CAP2: variants seen among roughly 807,000 people sequenced by gnomAD.
The protein encoded by CAP2 is adenylyl cyclase-associated protein 2.
Under a neutral mutation model 57.7 loss-of-function variants are expected in CAP2, and 24 were observed. The observed-to-expected ratio is 0.42, with a 90% CI of 0.30 to 0.58. The LOEUF (loss-of-function observed/expected upper bound fraction) is 0.58. Ranked by LOEUF, CAP2 falls within the 20% of genes least tolerant of loss-of-function variation. The pLI is 0.22. For synonymous variants in CAP2, 194 were observed against 207.2 expected, an observed-to-expected ratio of 0.94 and a Z score of 0.55; for missense variants, 501 against 590.3, an observed-to-expected ratio of 0.85 and a Z score of 1.57.
chr6:17,462,276 A>G (rs1243107777), intron 3 of CAP2, among the ~76,000 whole-genome samples: 2 of 152,084 alleles, frequency 1.3e-5, no homozygotes, highest in African/African-American at 2.4e-5. Context: ...GTGATGGCTT[A>G]AGGGACAATT....
intron 7 of CAP2, among the ~76,000 whole-genome samples, chr6:17,532,361 G>T (rs1189757825): frequency 1.3e-5 from 2 of 150,514 alleles, no homozygotes; most frequent in Non-Finnish European, 3.0e-5. Context: ...GGCTGGTCTC[G>T]AACTCCTGAC....
At chr6:17,493,853 G>C (rs183546784) in intron 4 of CAP2, among the ~76,000 whole-genome samples, 4 of 151,700 alleles carry the variant, frequency 2.6e-5, no homozygotes, top group East Asian at 3.9e-4. Flanking sequence ...GGAACACCTG[G>C]TTGAGGGCAG....
chr6:17,461,218 C>CTTTTTTTTTTTTTTTTTTT (rs35423332), intron 3 of CAP2, among the ~76,000 whole-genome samples: 2 of 147,970 alleles, frequency 1.4e-5, no homozygotes, highest in Non-Finnish European at 3.0e-5. Flanking sequence ...TCTTTGAAAC[C>CTTTTTTTTTTTTTTTTTTT]TTTTTTTTTT....
intron 4 of CAP2, among the ~76,000 whole-genome samples, chr6:17,495,921 G>A (rs1351107660): frequency 1.3e-5 from 2 of 149,680 alleles, no homozygotes; most frequent in Non-Finnish European, 3.0e-5. Context: ...AGAAAAGACA[G>A]CAACAGAGGA....
At chr6:17,521,835 G>A (rs543880533) in intron 7 of CAP2, among the ~76,000 whole-genome samples, 105 of 152,160 alleles carry the variant, frequency 6.9e-4, no homozygotes, top group Non-Finnish European at 8.5e-4. Flanking sequence ...TTGATTGGGC[G>A]CGGTACCTCA....
chr6:17,554,770 TAGAG>T (rs1763255615), intron 12 of CAP2, among the ~76,000 whole-genome samples: 1 of 152,228 alleles, frequency 6.6e-6, no homozygotes, highest in Non-Finnish European at 1.5e-5. Context: ...CTCCTTGCCT[TAGAG>T]AGGTTTTCTA....
In CAP2 at chr6:17,438,143, G is replaced by A. The variant is rs76782586; in HGVS notation, c.222+11453G>A. On this transcript the variant is annotated intron_variant, in intron 3 of 12. Transcript: ENST00000229922. ...AGTGCTTTGGGAGGCCAAGGTGGGC[G>A]GATCACAAGGTCAGGAGTTCAAGAC... Among the ~76,000 whole-genome samples, 9 of 151,486 alleles carry A rather than the reference G, an allele frequency of 5.9e-5. No homozygotes were observed. In the South Asian group the frequency reaches 8.3e-4, roughly 14 times the overall value.
intron 3 of CAP2, among the ~76,000 whole-genome samples, chr6:17,456,798 T>G (rs533974743): frequency 6.6e-5 from 10 of 152,242 alleles, no homozygotes; most frequent in African/African-American, 2.4e-4. Context: ...TTTGCCATCT[T>G]CCAAGTATTG....
At chr6:17,526,269 C>G (rs901644856) in intron 7 of CAP2, among the ~76,000 whole-genome samples, 2 of 152,040 alleles carry the variant, frequency 1.3e-5, no homozygotes, top group Non-Finnish European at 2.9e-5. Flanking sequence ...AGGCACGCAC[C>G]ACCATACCTG....
At chr6:17,475,153 C>T (rs141433979) in intron 4 of CAP2, among the ~76,000 whole-genome samples, 1,770 of 151,252 alleles carry the variant, frequency 0.012, 37 homozygotes, top group African/African-American at 0.04. Context: ...TGAGATCGCA[C>T]CACTGCACTT....
At chr6:17,397,921 T>TG (rs201834309) in intron 1 of CAP2, among the ~76,000 whole-genome samples, 1 of 147,520 alleles carries the variant, frequency 6.8e-6, no homozygotes, top group Non-Finnish European at 1.5e-5. Context: ...TGTATTTTAA[T>TG]GGGAAAAAAA....
At chr6:17,547,462 A>G (rs1763071491) in intron 11 of CAP2, among the ~76,000 whole-genome samples, 2 of 152,160 alleles carry the variant, frequency 1.3e-5, no homozygotes, top group Non-Finnish European at 2.9e-5. Flanking sequence ...GAAGACGCAT[A>G]GAAAAAAAAA....
intron 9 of CAP2, among the ~76,000 whole-genome samples, chr6:17,542,635 C>T: frequency 6.6e-6 from 1 of 152,220 alleles, no homozygotes; most frequent in African/African-American, 2.4e-5. Context: ...CAAAGAGATA[C>T]TGACTTGCTT....
chr6:17,399,995 G>T (rs1369121484), intron 1 of CAP2, among the ~76,000 whole-genome samples: 1 of 151,894 alleles, frequency 6.6e-6, no homozygotes, highest in Non-Finnish European at 1.5e-5. Context: ...GCCAAGGCGG[G>T]TGATCACAAG....
intron 4 of CAP2, among the ~76,000 whole-genome samples, chr6:17,479,346 C>G (rs1004136963): frequency 1.3e-5 from 2 of 152,182 alleles, no homozygotes; most frequent in African/African-American, 4.8e-5. Flanking sequence ...GTGACCCCTC[C>G]TTTCCTCCAC....
At chr6:17,427,608 C>CA (rs113060001) in intron 3 of CAP2, among the ~76,000 whole-genome samples, 19,825 of 123,576 alleles carry the variant, frequency 0.16, 1,637 homozygotes, top group African/African-American at 0.25. Context: ...GTTGGCTCCT[C>CA]AAAAAAAAAA....
chr6:17,496,913 AG>A (rs1470142223), intron 4 of CAP2, among the ~76,000 whole-genome samples: 1 of 152,192 alleles, frequency 6.6e-6, no homozygotes, highest in East Asian at 1.9e-4. Context: ...GGGCCACTTA[AG>A]AGGAGAGAGA....
At chr6:17,482,734 G>A (rs1377014948) in intron 4 of CAP2, among the ~76,000 whole-genome samples, 2 of 152,016 alleles carry the variant, frequency 1.3e-5, no homozygotes, top group Non-Finnish European at 1.5e-5. Flanking sequence ...CCTTTCCATA[G>A]GGACACCTAG....
intron 4 of CAP2, among the ~76,000 whole-genome samples, chr6:17,479,964 G>T (rs1761248906): frequency 6.6e-6 from 1 of 151,858 alleles, no homozygotes; most frequent in African/African-American, 2.4e-5. Context: ...AAAAATCTGT[G>T]AAATGAAGAA....
Sources: gnomAD v4.1 joint callset for allele counts (sites outside exome capture counted in the v4.1 genomes callset) on GRCh38, gnomAD v4.1.1 for gene constraint, MANE v1.5 for transcripts, NCBI Gene and HGNC (gene_info 2026-07-23, HGNC 2026-07-21) for gene names.